The following OXR1 variants were observed in gnomAD, a reference collection of about 807,000 sequenced individuals.
OXR1 encodes the protein oxidation resistance protein 1.
In OXR1, 41 loss-of-function variants were observed where a neutral mutation model predicts 104.6. That is an observed-to-expected ratio of 0.39 (90% CI 0.31 to 0.51). The LOEUF (loss-of-function observed/expected upper bound fraction) is 0.51. Among genes scored for constraint, OXR1 ranks in the 20% least tolerant of loss-of-function variants. OXR1 has a pLI of 0.77. For synonymous variants in OXR1, 348 were observed against 348.4 expected, an observed-to-expected ratio of 1.00 and a Z score of 0.01; for missense variants, 955 against 1,031.9, an observed-to-expected ratio of 0.93 and a Z score of 1.02.
intron 1 of OXR1, among the ~76,000 whole-genome samples, chr8:106,288,303 C>T (rs1197408539): frequency 6.6e-6 from 1 of 152,096 alleles, no homozygotes; most frequent in African/African-American, 2.4e-5. Context: ...TTGCCGACAG[C>T]CTGAGCATTC....
At chr8:106,371,664 T>C (rs1329553559) in intron 2 of OXR1, among the ~76,000 whole-genome samples, 4 of 152,216 alleles carry the variant, frequency 2.6e-5, no homozygotes, top group Non-Finnish European at 5.9e-5. Context: ...CAGGGGTCAT[T>C]CAGGAGCAGG....
At chr8:106,468,399 A>G (rs1821298168) in intron 2 of OXR1, among the ~76,000 whole-genome samples, 1 of 151,864 alleles carries the variant, frequency 6.6e-6, no homozygotes, top group Admixed American at 6.6e-5. Flanking sequence ...AGCTATACAT[A>G]TACTACATCC....
Position 106,636,266 on chromosome 8 carries a change from T to C in OXR1, c.221-42944T>C, listed in dbSNP as rs371589250. Among the ~76,000 whole-genome samples the C allele has an allele frequency of 4.6e-5, 7 of 152,322 alleles. No individual in the cohort carries two copies. In the East Asian group the frequency reaches 1.3e-3, roughly 29 times the overall value. ...TTTGTCATATAGAAAAGCATTCCTTTTAACATCATATAAACCCTTTAATGT... is the reference window on the plus strand; with the variant it reads ...TTTGTCATATAGAAAAGCATTCCTTCTAACATCATATAAACCCTTTAATGT... On this transcript the variant is annotated intron_variant, in intron 3 of 16. Transcript: ENST00000517566.
At chr8:106,614,714 T>C (rs1821070277) in intron 3 of OXR1, among the ~76,000 whole-genome samples, 1 of 152,162 alleles carries the variant, frequency 6.6e-6, no homozygotes, top group Non-Finnish European at 1.5e-5. Flanking sequence ...TGGCCAAATA[T>C]TGGGAAATAG....
At chr8:106,423,298 C>T (rs1818977118) in intron 2 of OXR1, among the ~76,000 whole-genome samples, 1 of 152,080 alleles carries the variant, frequency 6.6e-6, no homozygotes, top group South Asian at 2.1e-4. Context: ...CGATGGATAC[C>T]CTCAGATGAA....
chr8:106,676,066 G>T (rs1335674017), intron 3 of OXR1, among the ~76,000 whole-genome samples: 1 of 151,880 alleles, frequency 6.6e-6, no homozygotes, highest in Non-Finnish European at 1.5e-5. Context: ...TTTGATCTTT[G>T]TTGGTTTAAA....
At chr8:106,435,809 G>A (rs573473512) in intron 2 of OXR1, among the ~76,000 whole-genome samples, 16 of 152,204 alleles carry the variant, frequency 1.1e-4, no homozygotes, top group African/African-American at 3.6e-4. Flanking sequence ...CTCAGGTATA[G>A]TAACCATTCT....
Position 106,681,121 on chromosome 8 carries a change from A to C in OXR1, c.303+1829A>C, listed in dbSNP as rs574839530. Among the ~76,000 whole-genome samples, 3 of 152,312 alleles carry C rather than the reference A, an allele frequency of 2.0e-5. No homozygotes were observed. In the South Asian group the frequency reaches 6.2e-4, roughly 32 times the overall value. ...TAATCCTAGCCCTGATGCCAGTAAT[A>C]TGAGATGCCACTTGGGCTGTTTTGT... is the stretch of plus-strand genomic sequence containing the variant. On this transcript the variant is annotated intron_variant, in intron 4 of 16. Coordinates refer to ENST00000517566, the MANE Select transcript of OXR1 (RefSeq NM_001198533.2).
intron 3 of OXR1, among the ~76,000 whole-genome samples, chr8:106,601,411 C>A (rs1256054365): frequency 6.6e-6 from 1 of 152,186 alleles, no homozygotes; most frequent in Admixed American, 6.5e-5. Context: ...GCAAGCAGAT[C>A]TGGGTCTGGT....
chr8:106,404,594 CTT>C (rs1207519503), intron 2 of OXR1, among the ~76,000 whole-genome samples: 1 of 147,456 alleles, frequency 6.8e-6, no homozygotes, highest in African/African-American at 2.5e-5. Context: ...TTAGCTCATT[CTT>C]TTTTTTTTTC....
At chr8:106,288,685 A>G (rs1187360378) in intron 1 of OXR1, among the ~76,000 whole-genome samples, 2 of 146,318 alleles carry the variant, frequency 1.4e-5, no homozygotes, top group East Asian at 3.9e-4. Flanking sequence ...TATGTATTAA[A>G]TATACAAATT....
chr8:106,428,483 G>GA (rs377202571), intron 2 of OXR1, among the ~76,000 whole-genome samples: 15 of 152,316 alleles, frequency 9.8e-5, no homozygotes, highest in African/African-American at 3.6e-4. Flanking sequence ...AAAGCAAAAG[G>GA]AGGAAGAGGT....
At chr8:106,580,766 CT>C (rs1483750806) in intron 3 of OXR1, among the ~76,000 whole-genome samples, 1 of 151,528 alleles carries the variant, frequency 6.6e-6, no homozygotes, top group African/African-American at 2.4e-5. Flanking sequence ...ATATCTTTTT[CT>C]TTTTTTAATG....
chr8:106,412,970 C>A (rs115773143), intron 2 of OXR1, among the ~76,000 whole-genome samples: 2,432 of 152,020 alleles, frequency 0.016, 69 homozygotes, highest in African/African-American at 0.056. Context: ...TTTCTGAAAG[C>A]TAATCTTGAT....
intron 3 of OXR1, among the ~76,000 whole-genome samples, chr8:106,524,874 T>C (rs1013808073): frequency 1.3e-5 from 2 of 152,158 alleles, no homozygotes; most frequent in African/African-American, 2.4e-5. Flanking sequence ...GTATAGATGC[T>C]CAGAGGGCCT....
chr8:106,714,105 T>C, intron 11 of OXR1, 120 bp downstream of exon 11: 1 of 672,980 alleles, frequency 1.5e-6, no homozygotes, highest in Non-Finnish European at 2.5e-6. Flanking sequence ...AAAGGTCAGG[T>C]TCACTATCCG....
At chr8:106,504,258 T>C (rs1812006529) in intron 2 of OXR1, among the ~76,000 whole-genome samples, 1 of 152,152 alleles carries the variant, frequency 6.6e-6, no homozygotes, top group Non-Finnish European at 1.5e-5. Flanking sequence ...GTTGTTTTAA[T>C]TTTACTACAC....
intron 2 of OXR1, among the ~76,000 whole-genome samples, chr8:106,451,405 A>G (rs1051530340): frequency 3.3e-5 from 5 of 152,212 alleles, no homozygotes; most frequent in Non-Finnish European, 7.3e-5. Context: ...AATACATTAT[A>G]GTTTTCATTC....
At chr8:106,626,618 C>T (rs1377896476) in intron 3 of OXR1, among the ~76,000 whole-genome samples, 2 of 146,512 alleles carry the variant, frequency 1.4e-5, no homozygotes, top group African/African-American at 2.5e-5. Flanking sequence ...AACACTTACA[C>T]ATTTATTAAG....
Sources: allele counts gnomAD v4.1 joint callset (sites outside exome capture counted in the v4.1 genomes callset), GRCh38; gene constraint gnomAD v4.1.1; transcripts MANE v1.5; gene names NCBI Gene and HGNC (gene_info 2026-07-23, HGNC 2026-07-21).